CD96: variants seen among roughly 807,000 people sequenced by gnomAD.
CD96 encodes CD96 molecule, also known as T-cell surface protein tactile.
Under a neutral mutation model 71.3 loss-of-function variants are expected in CD96, and 70 were observed. The observed-to-expected ratio is 0.98, with a 90% CI of 0.81 to 1.20. The LOEUF (loss-of-function observed/expected upper bound fraction) is 1.20. Among genes scored for constraint, CD96 ranks in the 50% most tolerant of loss-of-function variants. CD96 has a pLI of 0.00. For synonymous variants in CD96, 248 were observed against 233.0 expected (o/e 1.06, Z -0.59); for missense variants, 742 against 677.5 (o/e 1.10, Z -1.06).
chr3:111,618,021 C>T (rs374461389), intron 8 of CD96, among the ~76,000 whole-genome samples: 5 of 152,362 alleles, frequency 3.3e-5, no homozygotes, highest in African/African-American at 1.2e-4. Context: ...TCTGGTCCAG[C>T]AGCAGCATCA....
chr3:111,626,088 G>A (rs1240003731), intron 10 of CD96, among the ~76,000 whole-genome samples: 1 of 152,036 alleles, frequency 6.6e-6, no homozygotes, highest in Non-Finnish European at 1.5e-5. Flanking sequence ...TGGATCACGA[G>A]GTCAGGAGAT....
chr3:111,543,618 T>A (rs1177682273), intron 1 of CD96, among the ~76,000 whole-genome samples: 3 of 152,240 alleles, frequency 2.0e-5, no homozygotes, highest in Non-Finnish European at 4.4e-5. Context: ...AGGTAATAGT[T>A]AACATTAAGT....
At chr3:111,577,110 A>G (rs993343438) in intron 3 of CD96, among the ~76,000 whole-genome samples, 1 of 152,206 alleles carries the variant, frequency 6.6e-6, no homozygotes, top group African/African-American at 2.4e-5. Flanking sequence ...TCTATCAACT[A>G]AACCACCTAG....
intron 12 of CD96, among the ~76,000 whole-genome samples, chr3:111,644,007 A>G (rs1256551703): frequency 6.6e-6 from 1 of 152,182 alleles, no homozygotes; most frequent in Admixed American, 6.5e-5. Context: ...ATATGGAACC[A>G]AAAAAGAGCC....
intron 8 of CD96, among the ~76,000 whole-genome samples, chr3:111,618,525 T>C (rs1402685113): frequency 2.0e-5 from 3 of 151,940 alleles, no homozygotes; most frequent in Non-Finnish European, 2.9e-5. Flanking sequence ...AATCAAGACC[T>C]TTATATGTAA....
chr3:111,592,893 C>A (rs768944999), intron 5 of CD96: 3 of 152,188 alleles, frequency 2.0e-5, no homozygotes, highest in Non-Finnish European at 4.4e-5. Context: ...ACACCGGACT[C>A]AGATTATACT....
chr3:111,556,746 T>C lies in CD96; in HGVS notation c.419-10777T>C, dbSNP rs1460688998. On this transcript the variant is annotated intron_variant, in intron 2 of 13. Transcript: ENST00000352690. ...GTAATGGGATGGCTGGCTCAAATGGTATTTCTAGTTCTAGATCCCTGAGGA... is the reference window on the plus strand; with the variant it reads ...GTAATGGGATGGCTGGCTCAAATGGCATTTCTAGTTCTAGATCCCTGAGGA... Among the ~76,000 whole-genome samples the C allele has an allele frequency of 7.9e-5, 12 of 151,388 alleles. No individual in the cohort carries two copies. In the East Asian group the frequency reaches 1.8e-3, roughly 22 times the overall value.
intron 5 of CD96, among the ~76,000 whole-genome samples, chr3:111,590,328 G>T (rs1172870115): frequency 6.6e-6 from 1 of 152,206 alleles, no homozygotes; most frequent in African/African-American, 2.4e-5. Flanking sequence ...GGTTTTTGGT[G>T]TTGGCAATTT....
At chr3:111,622,431 A>C (rs1938559004) in intron 8 of CD96, among the ~76,000 whole-genome samples, 2 of 152,236 alleles carry the variant, frequency 1.3e-5, no homozygotes, top group Admixed American at 6.5e-5. Context: ...TCTTTTAATC[A>C]TGAAGCCACG....
chr3:111,623,692 G>A (rs1051862584), intron 8 of CD96, 62 bp from the exon 9 acceptor site: 31 of 978,768 alleles, frequency 3.2e-5, no homozygotes, highest in Middle Eastern at 2.1e-4. Context: ...AAATGTAGTG[G>A]CACAGTTAAA....
chr3:111,608,523 T>C (rs1321875940), intron 8 of CD96, among the ~76,000 whole-genome samples: 1 of 152,206 alleles, frequency 6.6e-6, no homozygotes, highest in Non-Finnish European at 1.5e-5. Context: ...AGAGCAAGCA[T>C]TATTGTTCCC....
chr3:111,593,815 G>A, intron 5 of CD96: 2 of 1,614,170 alleles, frequency 1.2e-6, no homozygotes, highest in Non-Finnish European at 1.7e-6. Context: ...TGGGGAGCTG[G>A]GGCCCGTGGG....
intron 10 of CD96, among the ~76,000 whole-genome samples, chr3:111,629,233 A>G (rs1938937454): frequency 1.3e-5 from 2 of 152,186 alleles, no homozygotes; most frequent in Admixed American, 6.5e-5. Flanking sequence ...TGGATAAAGA[A>G]CCAAGACCTG....
chr3:111,594,352 G>T, intron 5 of CD96: 2 of 932,888 alleles, frequency 2.1e-6, no homozygotes, highest in Non-Finnish European at 1.6e-6. Flanking sequence ...CCTGGGTGGT[G>T]TGAGGTTTCT....
At chr3:111,548,112 C>A (rs1934507090) in intron 2 of CD96, among the ~76,000 whole-genome samples, 1 of 152,294 alleles carries the variant, frequency 6.6e-6, no homozygotes, top group African/African-American at 2.4e-5. Flanking sequence ...GCAAAACACA[C>A]CTGAAGTGCA....
intron 8 of CD96, among the ~76,000 whole-genome samples, chr3:111,613,142 A>G (rs374338023): frequency 6.6e-6 from 1 of 152,102 alleles, no homozygotes; most frequent in East Asian, 1.9e-4. Context: ...CTTCTTGATG[A>G]CTAGTTTACT....
chr3:111,569,158 A>G (rs2107552167), intron 3 of CD96, among the ~76,000 whole-genome samples: 1 of 152,328 alleles, frequency 6.6e-6, no homozygotes, highest in East Asian at 1.9e-4. Flanking sequence ...CCTATATATA[A>G]AAACATTTCC....
chr3:111,579,301 G>A, intron 4 of CD96, 67 bp downstream of exon 4: 1 of 879,836 alleles, frequency 1.1e-6, no homozygotes, highest in Non-Finnish European at 2.0e-6. Flanking sequence ...TCCTTGAAGA[G>A]GAAGCACCCT....
chr3:111,599,823 A>G (rs1296817796), intron 6 of CD96, among the ~76,000 whole-genome samples: 1 of 152,256 alleles, frequency 6.6e-6, no homozygotes, highest in Non-Finnish European at 1.5e-5. Context: ...TTTTGTGGTC[A>G]GAATTGCACT....
Sources: allele counts gnomAD v4.1 joint callset (sites outside exome capture counted in the v4.1 genomes callset), GRCh38; gene constraint gnomAD v4.1.1; transcripts MANE v1.5; gene names NCBI Gene and HGNC (gene_info 2026-07-23, HGNC 2026-07-21).